Variants in GREM2 observed in about 807,000 individuals in gnomAD.
GREM2 encodes the protein gremlin-2.
A neutral mutation model predicts 14.2 loss-of-function variants in GREM2; 11 were observed. The ratio of observed to expected loss-of-function variants is 0.78; its 90% confidence interval spans 0.49 to 1.28. The LOEUF (loss-of-function observed/expected upper bound fraction) is 1.28, where lower values mean the gene tolerates loss of function less well. GREM2 is among the 50% of genes most tolerant of loss of function. The pLI, the probability that GREM2 is intolerant of heterozygous loss-of-function variation, is 0.00. For synonymous variants in GREM2, 98 were observed against 97.6 expected, an observed-to-expected ratio of 1.00 and a Z score of -0.02; for missense variants, 210 against 218.5, an observed-to-expected ratio of 0.96 and a Z score of 0.24.
At chr1:240,562,902 G>A (rs963125082) in intron 1 of GREM2, among the ~76,000 whole-genome samples, 8 of 150,100 alleles carry the variant, frequency 5.3e-5, no homozygotes, top group African/African-American at 2.0e-4. Flanking sequence ...GTGTATGTGT[G>A]TATGTATGTC....
intron 1 of GREM2, among the ~76,000 whole-genome samples, chr1:240,523,798 G>GC (rs1678158693): frequency 6.6e-6 from 1 of 152,002 alleles, no homozygotes; most frequent in Admixed American, 6.6e-5. Flanking sequence ...TATGTCAAAG[G>GC]CTGCATGTAG....
At chr1:240,494,962 A>G (rs1371414778) in intron 1 of GREM2, among the ~76,000 whole-genome samples, 1 of 152,220 alleles carries the variant, frequency 6.6e-6, no homozygotes, top group Non-Finnish European at 1.5e-5. Context: ...CTGTCTGATG[A>G]CAATGCAAAG....
intron 1 of GREM2, among the ~76,000 whole-genome samples, chr1:240,598,913 C>T (rs1679867647): frequency 1.3e-5 from 2 of 151,490 alleles, no homozygotes; most frequent in Non-Finnish European, 2.9e-5. Flanking sequence ...AGTGGCTGCA[C>T]TTTATCCATT....
rs2103327849 is a variant in GREM2, at chr1:240,543,037, C to A, written c.-1-49561G>T. Among the ~76,000 whole-genome samples the A allele has an allele frequency of 6.6e-6, 1 of 152,338 alleles. No individual in the cohort carries two copies. Among genetic ancestry groups the A allele is most frequent in the South Asian group, 2.1e-4 (1 of 4,834 alleles). ...AGATCCCACTAAAATATCAATTCCTCTGGGAAGCCTCCCAAAATGTCCTAG... is the reference window on the plus strand; with the variant it reads ...AGATCCCACTAAAATATCAATTCCTATGGGAAGCCTCCCAAAATGTCCTAG... On this transcript the variant is annotated intron_variant, in intron 1 of 1. Transcript: ENST00000318160. The surrounding 1 kb of genome is among the most constrained non-coding windows in gnomAD (Gnocchi z 6.4).
intron 1 of GREM2, among the ~76,000 whole-genome samples, chr1:240,557,648 G>A (rs973191993): frequency 6.6e-6 from 1 of 152,042 alleles, no homozygotes; most frequent in African/African-American, 2.4e-5. Flanking sequence ...ATTTTGGGAA[G>A]TTTAATCTTC....
chr1:240,604,257 G>A (rs1022586998), intron 1 of GREM2, among the ~76,000 whole-genome samples: 1 of 151,844 alleles, frequency 6.6e-6, no homozygotes, highest in African/African-American at 2.4e-5. Context: ...TTCAACATGT[G>A]ATGTGGAGGG....
chr1:240,528,803 G>A (rs1267556287), intron 1 of GREM2, among the ~76,000 whole-genome samples: 3 of 152,122 alleles, frequency 2.0e-5, no homozygotes. Context: ...TCTAGCCTTA[G>A]AACAGTCCTT....
chr1:240,493,292 C>A lies in GREM2; in HGVS notation c.184G>T (p.Val62Phe), dbSNP rs1677310455. The change falls in exon 2 of 2, where the codon GTC becomes TTC. Residue 62 changes from valine (V) to phenylalanine (F), a missense_variant. Coordinates refer to ENST00000318160, the MANE Select transcript of GREM2 (RefSeq NM_022469.4). ...CTCTTGAGGTACTTGCGCTCGGTGA[C>A]CACCAGGGCCTCCTGGCTGGAGGCC... ...VLASSQEALV[V>F]TERKYLKSDW... The A allele has an allele frequency of 2.5e-6, 4 of 1,613,904 alleles. No homozygotes were observed. Among genetic ancestry groups the A allele is most frequent in the Non-Finnish European group, 3.4e-6 (4 of 1,179,976 alleles).
chr1:240,527,711 A>C (rs1240928264), intron 1 of GREM2, among the ~76,000 whole-genome samples: 1 of 152,194 alleles, frequency 6.6e-6, no homozygotes, highest in Non-Finnish European at 1.5e-5. Flanking sequence ...TCTAATCTCT[A>C]CCACAGTACA....
intron 1 of GREM2, chr1:240,588,652 G>A (rs920590080): frequency 1.3e-5 from 2 of 152,208 alleles, no homozygotes; most frequent in South Asian, 2.1e-4. Flanking sequence ...AGCCTGAACC[G>A]GAACCTATGT....
At chr1:240,608,758 A>C (rs1261245847) in intron 1 of GREM2, among the ~76,000 whole-genome samples, 1 of 152,192 alleles carries the variant, frequency 6.6e-6, no homozygotes, top group Non-Finnish European at 1.5e-5. Flanking sequence ...CCAAAATAGA[A>C]ACAAACCCTT....
chr1:240,537,998 G>C (rs908773909), intron 1 of GREM2, among the ~76,000 whole-genome samples: 1 of 152,156 alleles, frequency 6.6e-6, no homozygotes, highest in African/African-American at 2.4e-5. Context: ...TAAAAAACCC[G>C]AGTTTTGCTT....
intron 1 of GREM2, chr1:240,530,617 T>C (rs915257015): frequency 2.6e-5 from 4 of 152,184 alleles, no homozygotes; most frequent in African/African-American, 7.2e-5. Context: ...TAAATAATAG[T>C]TATCATCACT....
intron 1 of GREM2, among the ~76,000 whole-genome samples, chr1:240,539,822 C>A (rs1381120572): frequency 1.3e-5 from 2 of 152,218 alleles, no homozygotes; most frequent in African/African-American, 4.8e-5. Flanking sequence ...GAAACCAATT[C>A]TGCCTTCCTG....
In GREM2 at chr1:240,574,878, G is replaced by C. The variant is rs576028702; in HGVS notation, c.-2+37006C>G. Among the ~76,000 whole-genome samples the C allele has an allele frequency of 2.0e-5, 3 of 152,272 alleles. No individual in the cohort carries two copies. The South Asian group carries it at 6.2e-4, about 32-fold the overall frequency. ...AATCCCAGCACTTTGGGAGGCCGAGGCAGGCGGATCACGAGGTCAAGAGAT... is the reference window on the plus strand; with the variant it reads ...AATCCCAGCACTTTGGGAGGCCGAGCCAGGCGGATCACGAGGTCAAGAGAT... On this transcript the variant is annotated intron_variant, in intron 1 of 1. Coordinates refer to ENST00000318160, the MANE Select transcript of GREM2 (RefSeq NM_022469.4).
intron 1 of GREM2, among the ~76,000 whole-genome samples, chr1:240,564,381 G>A (rs905786379): frequency 4.0e-5 from 6 of 151,412 alleles, no homozygotes; most frequent in Admixed American, 1.3e-4. Context: ...AGTCACATGC[G>A]CCTGTAGTCC....
chr1:240,515,468 T>C (rs1167659687), intron 1 of GREM2, among the ~76,000 whole-genome samples: 1 of 151,204 alleles, frequency 6.6e-6, no homozygotes, highest in Non-Finnish European at 1.5e-5. Context: ...TTAGATAATA[T>C]CTCAGAAGTG....
intron 1 of GREM2, among the ~76,000 whole-genome samples, chr1:240,557,552 A>T (rs955859953): frequency 6.6e-6 from 1 of 152,238 alleles, no homozygotes; most frequent in African/African-American, 2.4e-5. Context: ...AATGATTTTC[A>T]AATGGAAATT....
chr1:240,559,436 T>A (rs1395809604), intron 1 of GREM2, among the ~76,000 whole-genome samples: 1 of 148,694 alleles, frequency 6.7e-6, no homozygotes, highest in Non-Finnish European at 1.5e-5. Flanking sequence ...ATTTGCCTCC[T>A]GGGTTCAAGA....
Sources: allele counts gnomAD v4.1 joint callset (sites outside exome capture counted in the v4.1 genomes callset), GRCh38; gene constraint gnomAD v4.1.1; non-coding constraint Gnocchi (gnomAD v3.1); transcripts MANE v1.5; gene names NCBI Gene and HGNC (gene_info 2026-07-23, HGNC 2026-07-21).